The following AK8 variants were observed in gnomAD, a reference collection of about 807,000 sequenced individuals.
AK8 encodes the protein adenylate kinase 8.
Under a neutral mutation model 54.6 loss-of-function variants are expected in AK8, and 44 were observed. The ratio of observed to expected loss-of-function variants is 0.81; its 90% confidence interval spans 0.63 to 1.04. AK8 has a LOEUF of 1.04. Among genes scored for constraint, AK8 ranks in the 50% least tolerant of loss-of-function variants. The pLI, the probability that AK8 is intolerant of heterozygous loss-of-function variation, is 0.00. For synonymous variants in AK8, 239 were observed against 245.6 expected, an observed-to-expected ratio of 0.97 and a Z score of 0.25; for missense variants, 555 against 613.6, an observed-to-expected ratio of 0.90 and a Z score of 1.01.
intron 5 of AK8, among the ~76,000 whole-genome samples, chr9:132,850,125 C>T (rs1408410398): frequency 1.4e-5 from 2 of 147,086 alleles, no homozygotes; most frequent in Non-Finnish European, 3.0e-5. Context: ...GTGATGTCGG[C>T]TCACTGCAAC....
rs541679324 is a variant in AK8 at position 132,813,465 on chromosome 9, C to T, written c.979+1173G>A. 5.3e-5 allele frequency among the ~76,000 whole-genome samples: 8 copies of T among 152,362 alleles called. No homozygotes were observed. In the East Asian group the frequency reaches 1.3e-3, roughly 26 times the overall value. ...ACCAGGAGGATTCCTAGCCAATGCCCGCACTGCTCACTATAATGGCAGCTG... is the reference window on the plus strand; with the variant it reads ...ACCAGGAGGATTCCTAGCCAATGCCTGCACTGCTCACTATAATGGCAGCTG... On this transcript the variant is annotated intron_variant, in intron 10 of 12. Transcript: ENST00000298545.
chr9:132,816,286 G>T (rs563021070), intron 9 of AK8, among the ~76,000 whole-genome samples: 1 of 151,824 alleles, frequency 6.6e-6, no homozygotes, highest in Admixed American at 6.6e-5. Context: ...CCCAGGAGGC[G>T]GAGGTTGTAG....
At chr9:132,866,341 A>G (rs1843597248) in intron 3 of AK8, among the ~76,000 whole-genome samples, 2 of 151,804 alleles carry the variant, frequency 1.3e-5, no homozygotes, top group South Asian at 4.2e-4. Flanking sequence ...AGGTGGGCCC[A>G]GGCATTTGCT....
chr9:132,815,940 C>T (rs1259710607), intron 9 of AK8, among the ~76,000 whole-genome samples: 1 of 152,210 alleles, frequency 6.6e-6, no homozygotes, highest in East Asian at 1.9e-4. Flanking sequence ...TTACCATCAC[C>T]AGGGATTCAT....
intron 7 of AK8, chr9:132,827,765 C>T: frequency 3.9e-6 from 2 of 509,096 alleles, no homozygotes; most frequent in Admixed American, 3.5e-5. Flanking sequence ...GCATGACCCC[C>T]CACACTCTAT....
At chr9:132,773,969 G>A (rs1839093574) in intron 11 of AK8, among the ~76,000 whole-genome samples, 1 of 152,196 alleles carries the variant, frequency 6.6e-6, no homozygotes, top group African/African-American at 2.4e-5. Context: ...GTGCTAAGGT[G>A]TAGGGGGGAG....
intron 11 of AK8, among the ~76,000 whole-genome samples, chr9:132,779,347 G>A (rs1839364449): frequency 6.6e-6 from 1 of 152,196 alleles, no homozygotes; most frequent in South Asian, 2.1e-4. Flanking sequence ...GGAGAGACAA[G>A]GTCTCCTTCT....
chr9:132,827,942 TG>T, intron 7 of AK8, 70 bp downstream of exon 7: 1 of 1,468,624 alleles, frequency 6.8e-7, no homozygotes, highest in Non-Finnish European at 9.3e-7. Context: ...GGTCAGGAAA[TG>T]GTAGACGGGC....
At chr9:132,832,772 G>A (rs1044781119) in intron 5 of AK8, among the ~76,000 whole-genome samples, 3 of 152,198 alleles carry the variant, frequency 2.0e-5, no homozygotes, top group African/African-American at 7.2e-5. Flanking sequence ...CAGAGAAAGC[G>A]GGACTTCCAA....
chr9:132,861,272 G>T (rs1168760771), intron 4 of AK8: 8 of 152,202 alleles, frequency 5.3e-5, no homozygotes. Context: ...TGTGGTTATG[G>T]CTCCAGGGGG....
intron 10 of AK8, among the ~76,000 whole-genome samples, chr9:132,810,697 C>T (rs540823175): frequency 6.6e-6 from 1 of 152,042 alleles, no homozygotes. Flanking sequence ...ACCAGGAGGC[C>T]GAGTGCTCCG....
intron 11 of AK8, among the ~76,000 whole-genome samples, chr9:132,741,491 G>T (rs1023137041): frequency 6.6e-6 from 1 of 152,188 alleles, no homozygotes; most frequent in Non-Finnish European, 1.5e-5. Flanking sequence ...AAACAGCTGG[G>T]TTGGTGAACA....
At chr9:132,820,060 C>G (rs1001591893) in intron 9 of AK8, among the ~76,000 whole-genome samples, 3 of 140,214 alleles carry the variant, frequency 2.1e-5, no homozygotes, top group African/African-American at 8.0e-5. Context: ...GAGGCTGAGG[C>G]GGGAGGATCA....
intron 5 of AK8, among the ~76,000 whole-genome samples, chr9:132,845,607 A>G (rs1842719276): frequency 6.6e-6 from 1 of 152,076 alleles, no homozygotes; most frequent in African/African-American, 2.4e-5. Flanking sequence ...CCTGGCCCAC[A>G]TGGTCTCTAC....
chr9:132,872,202 A>C (rs975060818), intron 2 of AK8, among the ~76,000 whole-genome samples: 1 of 151,992 alleles, frequency 6.6e-6, no homozygotes, highest in African/African-American at 2.4e-5. Flanking sequence ...CAGGCGCAGT[A>C]GCATGCACCT....
At position 132,860,309 on chromosome 9, in the gene AK8, G is replaced by A. The variant is rs74986936; in HGVS notation, c.333+3356C>T. On this transcript the variant is annotated intron_variant, in intron 4 of 12. Transcript: ENST00000298545. The surrounding 1 kb of genome is among the most constrained non-coding windows in gnomAD (Gnocchi z 4.4). ...GGTGGAATCCTCAGTGACACTTCTA[G>A]GTGTGATAATGTGTCTCTATGCGTT... is the stretch of plus-strand genomic sequence containing the variant. Among the ~76,000 whole-genome samples, 31 of 152,252 alleles carry A rather than the reference G, an allele frequency of 2.0e-4. No individual in the cohort carries two copies. The East Asian group carries it at 5.8e-3, about 28-fold the overall frequency.
At chr9:132,846,355 A>G (rs1013216853) in intron 5 of AK8, among the ~76,000 whole-genome samples, 2 of 152,296 alleles carry the variant, frequency 1.3e-5, no homozygotes, top group South Asian at 2.1e-4. Context: ...TCTGCCTCTA[A>G]CTGACGTGAC....
chr9:132,800,530 C>A (rs1402844386), intron 10 of AK8, among the ~76,000 whole-genome samples: 3 of 152,174 alleles, frequency 2.0e-5, no homozygotes, highest in Non-Finnish European at 4.4e-5. Context: ...GACAAACCCC[C>A]ATCTGGCCGG....
rs1313238413 is a variant in AK8, at chr9:132,823,317, G to A, written c.777C>T (p.Ser259=). The A allele has an allele frequency of 6.2e-7, 1 of 1,614,038 alleles. No individual in the cohort carries two copies. The highest frequency in any genetic ancestry group is 8.5e-7 in the Non-Finnish European group (1 of 1,179,908). Residue 259 remains serine, a synonymous_variant, in exon 9 of 13, where the codon AGC becomes AGT. Coordinates refer to ENST00000298545, the MANE Select transcript of AK8 (RefSeq NM_152572.3). ...VFYQALTYVQ[S]NHRTNAPFTP... is the part of the protein sequence containing the mutation. ...TGAACGGGGCATTAGTACGATGGTT[G>A]CTTTGGACATAGGTCAGAGCTGGAA...
Sources: gnomAD v4.1 joint callset for allele counts (sites outside exome capture counted in the v4.1 genomes callset) on GRCh38, gnomAD v4.1.1 for gene constraint, Gnocchi (gnomAD v3.1) non-coding constraint, MANE v1.5 for transcripts, NCBI Gene and HGNC (gene_info 2026-07-23, HGNC 2026-07-21) for gene names.